Variants in PES1 observed in about 807,000 individuals in gnomAD.
PES1 encodes the protein pescadillo homolog.
Under a neutral mutation model 77.1 loss-of-function variants are expected in PES1, and 31 were observed. The observed-to-expected ratio is 0.40, with a 90% CI of 0.30 to 0.54. PES1 has a LOEUF of 0.54. PES1 is among the 20% of genes least tolerant of loss of function. The pLI, the probability that PES1 is intolerant of heterozygous loss-of-function variation, is 0.45. For synonymous variants in PES1, 282 were observed against 303.0 expected, an observed-to-expected ratio of 0.93 and a Z score of 0.72; for missense variants, 658 against 771.7, an observed-to-expected ratio of 0.85 and a Z score of 1.75.
intron 1 of PES1, among the ~76,000 whole-genome samples, chr22:30,606,298 T>C (rs2087440641): frequency 6.6e-6 from 1 of 152,168 alleles, no homozygotes. Flanking sequence ...TGGTGTAATC[T>C]TGGCTCACTG....
At chr22:30,578,310 T>G (rs1024080332) in intron 14 of PES1, among the ~76,000 whole-genome samples, 1 of 151,886 alleles carries the variant, frequency 6.6e-6, no homozygotes, top group Non-Finnish European at 1.5e-5. Context: ...CAAAACAACC[T>G]ATAGCATGAC....
intron 3 of PES1, 134 bp downstream of exon 3, chr22:30,587,887 C>T (rs902219283): frequency 7.0e-6 from 6 of 857,938 alleles, no homozygotes; most frequent in Middle Eastern, 3.6e-4. Context: ...CCTCCAAGTA[C>T]TTCTGTTGAG....
chr22:30,592,073 G>T (rs993652875), upstream of PES1: 19 of 1,343,436 alleles, frequency 1.4e-5, no homozygotes, highest in Middle Eastern at 1.9e-4. Flanking sequence ...CGCTCACAAT[G>T]GTTACAAACA....
chr22:30,578,861 A>G lies in PES1; in HGVS notation c.1659T>C (p.Phe553=), dbSNP rs762853685. Residue 553 remains phenylalanine (F), a synonymous_variant, in exon 14 of 15, where the codon TTT becomes TTC. Transcript: ENST00000354694. ...REKYLYQKIM[F]GKRRKIREAN... is the part of the protein sequence containing the mutation. Reference sequence around the variant, plus strand: ...CCTCTCGGATTTTTCGCCTCTTGCCAAACATGATCTTCTGGTACAGGTACT... The same window carrying G: ...CCTCTCGGATTTTTCGCCTCTTGCCGAACATGATCTTCTGGTACAGGTACT... The G allele has an allele frequency of 5.6e-6, 9 of 1,612,488 alleles. No homozygotes were observed. Among genetic ancestry groups the G allele is most frequent in the Non-Finnish European group, 7.6e-6 (9 of 1,180,004 alleles).
intron 6 of PES1, among the ~76,000 whole-genome samples, chr22:30,583,045 G>T (rs2087010515): frequency 6.6e-6 from 1 of 152,176 alleles, no homozygotes; most frequent in Non-Finnish European, 1.5e-5. Flanking sequence ...GGCCAGCTGT[G>T]TGGAGGCCGG....
intron 6 of PES1, among the ~76,000 whole-genome samples, chr22:30,583,457 C>T (rs1290263876): frequency 6.6e-6 from 1 of 152,240 alleles, no homozygotes; most frequent in Non-Finnish European, 1.5e-5. Flanking sequence ...CTGCTCTCCG[C>T]TGAAGGCACC....
intron 1 of PES1, among the ~76,000 whole-genome samples, chr22:30,606,384 C>G (rs1273798348): frequency 1.3e-5 from 2 of 152,074 alleles, no homozygotes; most frequent in African/African-American, 4.8e-5. Flanking sequence ...ACGTCTGCCA[C>G]CACGCCAGGC....
chr22:30,599,642 G>A (rs1346147718), intron 2 of PES1, among the ~76,000 whole-genome samples: 3 of 151,962 alleles, frequency 2.0e-5, no homozygotes, highest in Non-Finnish European at 4.4e-5. Flanking sequence ...GCTCACGCCT[G>A]TAATCCCAGC....
At chr22:30,587,048 G>A in intron 4 of PES1, 1 of 496,028 alleles carries the variant, frequency 2.0e-6, no homozygotes, top group South Asian at 2.3e-5. Flanking sequence ...TGCTTGGATT[G>A]TGCTTCCGCG....
At chr22:30,596,899 T>C (rs1212158670), upstream of PES1, among the ~76,000 whole-genome samples, 2 of 152,176 alleles carry the variant, frequency 1.3e-5, no homozygotes, top group Non-Finnish European at 2.9e-5. Context: ...TGCGCGGCGC[T>C]TGCGGGCCAG....
chr22:30,584,212 C>A, intron 6 of PES1, 153 bp downstream of exon 6: 1 of 648,524 alleles, frequency 1.5e-6, no homozygotes, highest in Non-Finnish European at 2.8e-6. Flanking sequence ...AATGAGGATG[C>A]TGTGTGGCAC....
At chr22:30,598,921 G>T (rs1351741573) in intron 2 of PES1, among the ~76,000 whole-genome samples, 1 of 8,392 alleles carries the variant, frequency 1.2e-4, no homozygotes, top group Non-Finnish European at 2.5e-4. Context: ...TTTTGAGATG[G>T]AGTCCTGCTC....
intron 14 of PES1, among the ~76,000 whole-genome samples, chr22:30,578,302 A>G (rs565820818): frequency 6.6e-6 from 1 of 152,194 alleles, no homozygotes; most frequent in Non-Finnish European, 1.5e-5. Context: ...TTATATCTCA[A>G]AACAACCTAT....
chr22:30,600,478 T>G (rs2087338199), intron 2 of PES1, among the ~76,000 whole-genome samples: 1 of 151,586 alleles, frequency 6.6e-6, no homozygotes, highest in African/African-American at 2.4e-5. Flanking sequence ...AACTCGGGAG[T>G]TCGAGACCAG....
At chr22:30,594,064 G>A (rs949226115), upstream of PES1, among the ~76,000 whole-genome samples, 2 of 152,160 alleles carry the variant, frequency 1.3e-5, no homozygotes, top group African/African-American at 2.4e-5. Context: ...TCAGCATTAC[G>A]GTGAAAAGCC....
intron 14 of PES1, among the ~76,000 whole-genome samples, chr22:30,577,589 C>T (rs1027422334): frequency 1.3e-5 from 2 of 152,198 alleles, no homozygotes; most frequent in African/African-American, 4.8e-5. Context: ...CAGCCTCAAA[C>T]GATCCTCCCA....
chr22:30,605,394 T>A, intron 2 of PES1: 1 of 939,032 alleles, frequency 1.1e-6, no homozygotes, highest in South Asian at 4.9e-5. Context: ...CTCCCTCCTT[T>A]ACTTCGACAC....
At chr22:30,602,691 A>G (rs987608279) in intron 2 of PES1, among the ~76,000 whole-genome samples, 6 of 152,022 alleles carry the variant, frequency 3.9e-5, no homozygotes, top group Non-Finnish European at 5.9e-5. Context: ...TTGATGGACT[A>G]TGCTTTAGGT....
chr22:30,596,438 G>C (rs1021553313), upstream of PES1, among the ~76,000 whole-genome samples: 1 of 150,980 alleles, frequency 6.6e-6, no homozygotes, highest in Non-Finnish European at 1.5e-5. Flanking sequence ...TCCTGCCTCA[G>C]CCTCTGAAAG....
Sources: gnomAD v4.1 joint callset for allele counts (sites outside exome capture counted in the v4.1 genomes callset) on GRCh38, gnomAD v4.1.1 for gene constraint, MANE v1.5 for transcripts, NCBI Gene and HGNC (gene_info 2026-07-23, HGNC 2026-07-21) for gene names.